Variants in SRRM4 observed in about 807,000 individuals in gnomAD.
SRRM4 encodes serine/arginine repetitive matrix 4.
A neutral mutation model predicts 68.9 loss-of-function variants in SRRM4; 33 were observed. The observed-to-expected ratio is 0.48, with a 90% CI of 0.36 to 0.64. The LOEUF (loss-of-function observed/expected upper bound fraction) is 0.64, where lower values mean the gene tolerates loss of function less well. Among genes scored for constraint, SRRM4 ranks in the 30% least tolerant of loss-of-function variants. SRRM4 has a pLI of 0.00. For synonymous variants in SRRM4, 318 were observed against 318.8 expected (o/e 1.00, Z 0.03); for missense variants, 817 against 827.1 (o/e 0.99, Z 0.15).
chr12:119,041,216 C>T (rs1426896153), intron 1 of SRRM4, among the ~76,000 whole-genome samples: 1 of 152,134 alleles, frequency 6.6e-6, no homozygotes, highest in Non-Finnish European at 1.5e-5. Context: ...GCCTAAGACA[C>T]CCAGCTAATA....
chr12:119,114,946 G>C (rs926800041), intron 3 of SRRM4, among the ~76,000 whole-genome samples: 7 of 151,828 alleles, frequency 4.6e-5, no homozygotes, highest in Non-Finnish European at 1.0e-4. Context: ...TTACAAGCGT[G>C]AACCACCGCG....
Position 118,981,759 on chromosome 12 carries a change from C to T in SRRM4, c.-124C>T, listed in dbSNP as rs1272709628. The T allele has an allele frequency of 2.8e-6, 3 of 1,056,290 alleles. No individual in the cohort carries two copies. The East Asian group carries it at 8.7e-5, about 31-fold the overall frequency. The allele number at this position is 1,056,290 out of a possible 1,614,324, so 65.4% of individuals were successfully genotyped here. On this transcript the variant is annotated 5_prime_UTR_variant, in exon 1 of 13. Coordinates refer to ENST00000267260, the MANE Select transcript of SRRM4 (RefSeq NM_194286.4). ...TCCCCCGCCCTGAACTCCGATCTCTCCCACCCCACCCCTCTCTGGGTTTCA... is the reference window on the plus strand; with the variant it reads ...TCCCCCGCCCTGAACTCCGATCTCTTCCACCCCACCCCTCTCTGGGTTTCA...
chr12:119,008,618 G>C (rs1312381269), intron 1 of SRRM4, among the ~76,000 whole-genome samples: 1 of 152,150 alleles, frequency 6.6e-6, no homozygotes, highest in Non-Finnish European at 1.5e-5. Context: ...TTACCCATCT[G>C]TGAAAGTAGG....
At chr12:119,068,629 A>G (rs767023881) in intron 1 of SRRM4, among the ~76,000 whole-genome samples, 4 of 151,942 alleles carry the variant, frequency 2.6e-5, no homozygotes, top group Non-Finnish European at 5.9e-5. Flanking sequence ...CCCATGCCGC[A>G]GACCCCTGGG....
At chr12:119,005,879 C>T (rs1467495655) in intron 1 of SRRM4, among the ~76,000 whole-genome samples, 1 of 152,148 alleles carries the variant, frequency 6.6e-6, no homozygotes, top group African/African-American at 2.4e-5. Flanking sequence ...ATCTGATTTC[C>T]TTTTTGACTG....
At chr12:119,021,185 T>C (rs1192786991) in intron 1 of SRRM4, among the ~76,000 whole-genome samples, 1 of 152,208 alleles carries the variant, frequency 6.6e-6, no homozygotes, top group Non-Finnish European at 1.5e-5. Context: ...TTTTGCAATC[T>C]GGTAGAAATT....
chr12:119,155,241 C>A (rs1009798074), intron 12 of SRRM4, among the ~76,000 whole-genome samples: 2 of 152,226 alleles, frequency 1.3e-5, no homozygotes, highest in African/African-American at 4.8e-5. Context: ...AAGCAAATTT[C>A]TCAGGCCTTG....
chr12:119,141,698 T>G (rs933754813), intron 8 of SRRM4, among the ~76,000 whole-genome samples: 1 of 152,194 alleles, frequency 6.6e-6, no homozygotes, highest in Non-Finnish European at 1.5e-5. Context: ...GCCTACTCTG[T>G]GCCAGGCATT....
intron 1 of SRRM4, among the ~76,000 whole-genome samples, chr12:119,073,830 G>A (rs1418239738): frequency 6.6e-6 from 1 of 152,064 alleles, no homozygotes; most frequent in Non-Finnish European, 1.5e-5. Context: ...GTCTCGCTAT[G>A]TTGCCCAGGC....
rs1207465443 is a variant in SRRM4, at chr12:119,120,282, A to T, written c.464+6A>T. 2 of 1,546,436 alleles carry T rather than the reference A, an allele frequency of 1.3e-6. No homozygotes were observed. The highest frequency in any genetic ancestry group is 1.7e-6 in the Non-Finnish European group (2 of 1,145,526). On this transcript the variant is annotated splice_donor_region_variant and intron_variant, in intron 5 of 12. Coordinates refer to ENST00000267260, the MANE Select transcript of SRRM4 (RefSeq NM_194286.4). ...TCCAAGAAGAGAAGGCACAGGTAAG[A>T]CTCTTGTTCTCTGACTGCCTGTTCA...
At chr12:119,052,163 A>G (rs1285953627) in intron 1 of SRRM4, among the ~76,000 whole-genome samples, 1 of 152,052 alleles carries the variant, frequency 6.6e-6, no homozygotes, top group African/African-American at 2.4e-5. Flanking sequence ...TTGATGCCAC[A>G]CTCCCAAGGG....
chr12:119,039,995 A>C (rs1372404581), intron 1 of SRRM4, among the ~76,000 whole-genome samples: 1 of 152,130 alleles, frequency 6.6e-6, no homozygotes, highest in African/African-American at 2.4e-5. Flanking sequence ...TTTCACATAC[A>C]GGGGAGTGAA....
chr12:119,024,640 T>C (rs1953536534), intron 1 of SRRM4, among the ~76,000 whole-genome samples: 1 of 152,194 alleles, frequency 6.6e-6, no homozygotes, highest in Non-Finnish European at 1.5e-5. Context: ...CTCCAGAGCA[T>C]GATTGATGTG....
At chr12:119,032,876 C>A (rs1461641108) in intron 1 of SRRM4, among the ~76,000 whole-genome samples, 2 of 152,102 alleles carry the variant, frequency 1.3e-5, no homozygotes, top group Non-Finnish European at 2.9e-5. Context: ...TGTTTCCCTG[C>A]AAATTGTCGA....
intron 1 of SRRM4, among the ~76,000 whole-genome samples, chr12:119,054,752 C>A (rs138889713): frequency 6.6e-6 from 1 of 152,178 alleles, no homozygotes; most frequent in Non-Finnish European, 1.5e-5. Flanking sequence ...CATTTCTTGA[C>A]GCTATTCTCC....
intron 1 of SRRM4, among the ~76,000 whole-genome samples, chr12:119,070,937 C>T (rs1953874243): frequency 6.6e-6 from 1 of 152,168 alleles, no homozygotes. Flanking sequence ...CTCTGAGGCT[C>T]AGAGATTAAA....
At chr12:119,063,748 CT>C (rs1953828665) in intron 1 of SRRM4, among the ~76,000 whole-genome samples, 1 of 152,184 alleles carries the variant, frequency 6.6e-6, no homozygotes, top group Admixed American at 6.5e-5. Flanking sequence ...AAGAGTGAAT[CT>C]TGTGAGTAAG....
In SRRM4 at chr12:119,016,840, C is replaced by A. The variant is rs147761223; in HGVS notation, c.131+34827C>A. Among the ~76,000 whole-genome samples, 76 of 152,342 alleles carry A rather than the reference C, an allele frequency of 5.0e-4. No homozygotes were observed. In the East Asian group the frequency reaches 0.014, roughly 28 times the overall value. On this transcript the variant is annotated intron_variant, in intron 1 of 12. Coordinates refer to ENST00000267260, the MANE Select transcript of SRRM4 (RefSeq NM_194286.4). ...ACAGGGTAGCATACTGCAGACAAGG[C>A]ACGCTGACTCTGAACCCCAGCTCTG...
intron 7 of SRRM4, among the ~76,000 whole-genome samples, chr12:119,128,609 C>T (rs1488184768): frequency 6.6e-6 from 1 of 152,236 alleles, no homozygotes; most frequent in Non-Finnish European, 1.5e-5. Context: ...AGCTAAAACA[C>T]ATCTCTGATC....
Sources: gnomAD v4.1 joint callset for allele counts (sites outside exome capture counted in the v4.1 genomes callset) on GRCh38, gnomAD v4.1.1 for gene constraint, MANE v1.5 for transcripts, NCBI Gene and HGNC (gene_info 2026-07-23, HGNC 2026-07-21) for gene names.